HNF4G: variants seen among roughly 807,000 people sequenced by gnomAD.
The protein encoded by HNF4G is hepatocyte nuclear factor 4-gamma.
Under a neutral mutation model 50.9 loss-of-function variants are expected in HNF4G, and 21 were observed. The ratio of observed to expected loss-of-function variants is 0.41; its 90% CI spans 0.29 to 0.59. HNF4G has a LOEUF of 0.59. Among genes scored for constraint, HNF4G ranks in the 20% least tolerant of loss-of-function variants. The pLI, the probability that HNF4G is intolerant of heterozygous loss-of-function variation, is 0.26. For missense variants in HNF4G, 527 were observed against 559.4 expected (o/e 0.94, Z 0.58); for synonymous variants, 198 against 185.6 (o/e 1.07, Z -0.54).
intron 1 of HNF4G, among the ~76,000 whole-genome samples, chr8:75,421,560 C>G (rs1354558781): frequency 6.6e-6 from 1 of 152,176 alleles, no homozygotes; most frequent in East Asian, 1.9e-4. Flanking sequence ...GGTTAGTTTA[C>G]ACTGGAGAGT....
At chr8:75,554,692 A>G (rs1399796292) in intron 5 of HNF4G, among the ~76,000 whole-genome samples, 1 of 152,208 alleles carries the variant, frequency 6.6e-6, no homozygotes, top group Non-Finnish European at 1.5e-5. Flanking sequence ...TTTCTTCACT[A>G]TTCTCATAAA....
At chr8:75,556,600 G>T (rs2130810159) in intron 6 of HNF4G, among the ~76,000 whole-genome samples, 1 of 152,188 alleles carries the variant, frequency 6.6e-6, no homozygotes, top group South Asian at 2.1e-4. Flanking sequence ...GGTGTGGGGT[G>T]GTGGGGTAGA....
chr8:75,556,162 C>T (rs1807118051), intron 6 of HNF4G, 93 bp downstream of exon 6: 2 of 523,852 alleles, frequency 3.8e-6, no homozygotes, highest in Non-Finnish European at 6.6e-6. Context: ...CAAGTATTTA[C>T]AGACACTGGC....
At position 75,543,949 on chromosome 8, in the gene HNF4G, G is replaced by A; in HGVS notation, c.257G>A (p.Ser86Asn). The A allele has an allele frequency of 1.3e-6, 2 of 1,599,788 alleles. No homozygotes were observed. ...GGGTGCAAGGGTTTCTTCAGACGCA[G>A]CATTCGTAAGAGTCACGTTTATTCT... ...CDGCKGFFRR[S>N]IRKSHVYSCR... Residue 86 changes from serine to asparagine, a missense_variant, in exon 2 of 10, where the codon AGC becomes AAC. Coordinates refer to ENST00000396423, the MANE Select transcript of HNF4G (RefSeq NM_004133.5).
intron 2 of HNF4G, among the ~76,000 whole-genome samples, chr8:75,520,243 G>T (rs1215646781): frequency 1.3e-5 from 2 of 151,874 alleles, no homozygotes; most frequent in Non-Finnish European, 2.9e-5. Flanking sequence ...GCATAATAAA[G>T]AATTTAACAG....
intron 2 of HNF4G, among the ~76,000 whole-genome samples, chr8:75,502,536 C>G (rs115001135): frequency 0.011 from 1,666 of 152,176 alleles, 22 homozygotes; most frequent in African/African-American, 0.038. Flanking sequence ...AAAAAGTAAG[C>G]TTTTAAACAT....
At chr8:75,486,459 T>C (rs1585886153) in intron 1 of HNF4G, among the ~76,000 whole-genome samples, 1 of 152,190 alleles carries the variant, frequency 6.6e-6, no homozygotes, top group East Asian at 1.9e-4. Flanking sequence ...CTGTGTTATG[T>C]ACAAAGTAGT....
intron 1 of HNF4G, among the ~76,000 whole-genome samples, chr8:75,488,147 C>T (rs1812536556): frequency 6.6e-6 from 1 of 152,104 alleles, no homozygotes; most frequent in Admixed American, 6.6e-5. Flanking sequence ...AGGGTAGGAA[C>T]CATGCTTTAT....
At chr8:75,536,940 A>G (rs942725242), upstream of HNF4G, among the ~76,000 whole-genome samples, 3 of 152,144 alleles carry the variant, frequency 2.0e-5, no homozygotes, top group Admixed American at 6.5e-5. Context: ...GATTGGTTAT[A>G]AAGAGGAATG....
chr8:75,427,025 T>C (rs556918443), intron 1 of HNF4G, among the ~76,000 whole-genome samples: 1 of 152,336 alleles, frequency 6.6e-6, no homozygotes, highest in African/African-American at 2.4e-5. Flanking sequence ...GTTTTAGTTT[T>C]GAAAAAAGTT....
At chr8:75,417,241 G>T (rs1035185192) in intron 1 of HNF4G, among the ~76,000 whole-genome samples, 1 of 152,182 alleles carries the variant, frequency 6.6e-6, no homozygotes, top group African/African-American at 2.4e-5. Flanking sequence ...GCTCACTGTA[G>T]CCTCAAACTC....
At chr8:75,429,100 C>A (rs1263033872) in intron 1 of HNF4G, among the ~76,000 whole-genome samples, 1 of 152,140 alleles carries the variant, frequency 6.6e-6, no homozygotes, top group Non-Finnish European at 1.5e-5. Context: ...AGAAATTCCT[C>A]AAGAATAATT....
At chr8:75,517,407 C>T (rs1321414250) in intron 2 of HNF4G, among the ~76,000 whole-genome samples, 1 of 152,178 alleles carries the variant, frequency 6.6e-6, no homozygotes, top group Admixed American at 6.5e-5. Flanking sequence ...AGGCAAGTCC[C>T]TTCCACTTAT....
chr8:75,442,746 T>C (rs561746738), intron 1 of HNF4G, among the ~76,000 whole-genome samples: 5 of 152,162 alleles, frequency 3.3e-5, no homozygotes, highest in Non-Finnish European at 7.3e-5. Context: ...ATCATTATTT[T>C]ATATTGAGTT....
At chr8:75,473,042 G>A (rs1812154102) in intron 1 of HNF4G, among the ~76,000 whole-genome samples, 2 of 152,124 alleles carry the variant, frequency 1.3e-5, no homozygotes. Context: ...GGGAGCAGTG[G>A]CTCAAGCCTG....
chr8:75,439,870 C>CT (rs1811234852), intron 1 of HNF4G, among the ~76,000 whole-genome samples: 1 of 151,516 alleles, frequency 6.6e-6, no homozygotes, highest in African/African-American at 2.4e-5. Context: ...ATAACTAAGA[C>CT]TTTTTTTTAT....
intron 2 of HNF4G, among the ~76,000 whole-genome samples, chr8:75,502,655 T>C (rs1812962459): frequency 6.6e-6 from 1 of 152,220 alleles, no homozygotes; most frequent in African/African-American, 2.4e-5. Flanking sequence ...TAATATTTGG[T>C]ATAGAAGAGG....
chr8:75,489,197 G>A (rs1812564519), intron 1 of HNF4G, among the ~76,000 whole-genome samples: 1 of 152,130 alleles, frequency 6.6e-6, no homozygotes, highest in African/African-American at 2.4e-5. Context: ...TTTTACCTGA[G>A]TGCTTCTAAA....
At chr8:75,521,851 A>G (rs561784614) in intron 2 of HNF4G, among the ~76,000 whole-genome samples, 1 of 152,244 alleles carries the variant, frequency 6.6e-6, no homozygotes, top group South Asian at 2.1e-4. Flanking sequence ...TCCACATCTT[A>G]CACTTTTGTA....
Sources: allele counts gnomAD v4.1 joint callset (sites outside exome capture counted in the v4.1 genomes callset), GRCh38; gene constraint gnomAD v4.1.1; transcripts MANE v1.5; gene names NCBI Gene and HGNC (gene_info 2026-07-23, HGNC 2026-07-21).